DPP6: variants seen among roughly 807,000 people sequenced by gnomAD.
DPP6 encodes dipeptidyl peptidase like 6.
A neutral mutation model predicts 122.6 loss-of-function variants in DPP6; 69 were observed. The ratio of observed to expected loss-of-function variants is 0.56; its 90% CI spans 0.46 to 0.69. The LOEUF is 0.69. Among genes scored for constraint, DPP6 ranks in the 30% least tolerant of loss-of-function variants. The pLI is 0.00. For missense variants in DPP6, 928 were observed against 1,116.9 expected (o/e 0.83, Z 2.41); for synonymous variants, 418 against 433.1 (o/e 0.97, Z 0.43).
chr7:154,127,676 C>A (rs1054266087), intron 1 of DPP6, among the ~76,000 whole-genome samples: 4 of 147,162 alleles, frequency 2.7e-5, no homozygotes, highest in African/African-American at 1.0e-4. Flanking sequence ...CACACACACA[C>A]AAAACAGCTC....
At chr7:154,539,336 G>A (rs964955575) in intron 3 of DPP6, among the ~76,000 whole-genome samples, 2 of 152,062 alleles carry the variant, frequency 1.3e-5, no homozygotes, top group Non-Finnish European at 2.9e-5. Flanking sequence ...GAGTGTTAAT[G>A]ACTTTAAGAG....
At chr7:154,594,557 G>A (rs1832980506) in intron 5 of DPP6, among the ~76,000 whole-genome samples, 1 of 152,146 alleles carries the variant, frequency 6.6e-6, no homozygotes, top group South Asian at 2.1e-4. Flanking sequence ...TGAATTCCTA[G>A]GATGTTCCTT....
intron 8 of DPP6, among the ~76,000 whole-genome samples, chr7:154,754,529 A>G (rs966741209): frequency 6.6e-6 from 1 of 152,224 alleles, no homozygotes; most frequent in Admixed American, 6.5e-5. Context: ...AATGTAAACT[A>G]AGGAAATTAA....
intron 17 of DPP6, among the ~76,000 whole-genome samples, chr7:154,854,650 G>C (rs1210839315): frequency 2.0e-5 from 3 of 152,186 alleles, no homozygotes; most frequent in Non-Finnish European, 4.4e-5. Flanking sequence ...ACTCAGAGGA[G>C]CCTCACTCAA....
intron 8 of DPP6, among the ~76,000 whole-genome samples, chr7:154,757,209 C>A (rs1795187064): frequency 6.6e-6 from 1 of 152,022 alleles, no homozygotes; most frequent in African/African-American, 2.4e-5. Flanking sequence ...AGGAACTGGG[C>A]AGCCCCTTCT....
rs78424983 is a variant in DPP6 at position 154,374,590 on chromosome 7, T to C, written c.244-71624T>C. Among the ~76,000 whole-genome samples, 860 of 147,240 alleles carry C rather than the reference T, an allele frequency of 5.8e-3. 5 individuals are homozygous for C. The highest frequency in any genetic ancestry group is 0.019 in the African/African-American group (774 of 41,232). On this transcript the variant is annotated intron_variant, in intron 1 of 25. Coordinates refer to ENST00000377770, the MANE Select transcript of DPP6 (RefSeq NM_130797.4). ...GTTTTTTTTTTCTTTTCTGTTTATT[T>C]TTTCTTTTTCTGTTTTTTTTCTTTT...
At chr7:154,093,145 C>T (rs1265250338) in intron 1 of DPP6, among the ~76,000 whole-genome samples, 1 of 143,808 alleles carries the variant, frequency 7.0e-6, no homozygotes, top group East Asian at 2.0e-4. Context: ...CTACATATGA[C>T]ATCATACATC....
At chr7:154,339,087 G>A (rs1809686316) in intron 1 of DPP6, among the ~76,000 whole-genome samples, 1 of 152,214 alleles carries the variant, frequency 6.6e-6, no homozygotes, top group Non-Finnish European at 1.5e-5. Context: ...ATAAGTGCTT[G>A]ATGGTTGGGT....
intron 7 of DPP6, among the ~76,000 whole-genome samples, chr7:154,693,437 G>A (rs932108698): frequency 1.3e-5 from 2 of 152,168 alleles, no homozygotes; most frequent in Admixed American, 1.3e-4. Context: ...ACATTTTGGA[G>A]AGCACTGATT....
At chr7:154,020,233 A>G (rs1016367552) in intron 1 of DPP6, among the ~76,000 whole-genome samples, 1 of 151,918 alleles carries the variant, frequency 6.6e-6, no homozygotes, top group African/African-American at 2.4e-5. Context: ...TCCTCTAGAT[A>G]AAAGCGTGAT....
intron 1 of DPP6, among the ~76,000 whole-genome samples, chr7:154,022,966 T>C (rs1256057083): frequency 6.6e-6 from 1 of 152,032 alleles, no homozygotes; most frequent in East Asian, 1.9e-4. Flanking sequence ...AATCCAAGGG[T>C]CAGTACAAAG....
chr7:153,750,111 G>T, the DPP6 span, among the ~76,000 whole-genome samples: 1 of 152,198 alleles, frequency 6.6e-6, no homozygotes, highest in Admixed American at 6.5e-5. Flanking sequence ...AGTGAGTAAT[G>T]ATATTGGATT....
At position 154,475,044 on chromosome 7, in the gene DPP6, C is replaced by T; in HGVS notation, c.457+7C>T. ...GAGGCTAAGTGGATAAGTGGTGAGT[C>T]CAGGTCCTTCGTGCACAAGACATCG... On this transcript the variant is annotated splice_region_variant and intron_variant, in intron 3 of 25. Transcript: ENST00000377770. The T allele has an allele frequency of 6.2e-7, 1 of 1,607,136 alleles. No individual in the cohort carries two copies. The highest frequency in any genetic ancestry group is 1.3e-5 in the African/African-American group (1 of 74,808).
chr7:154,387,603 T>C (rs1166127819), intron 1 of DPP6, among the ~76,000 whole-genome samples: 1 of 152,212 alleles, frequency 6.6e-6, no homozygotes, highest in Non-Finnish European at 1.5e-5. Flanking sequence ...TCCCTACCAT[T>C]TATTTTCTCA....
At chr7:153,786,740 G>GGAAAAAAAAAAAAA in the DPP6 span, among the ~76,000 whole-genome samples, 1 of 31,782 alleles carries the variant, frequency 3.1e-5, no homozygotes, top group African/African-American at 1.0e-4. Context: ...CTCCGTCTCA[G>GGAAAAAAAAAAAAA]AAAAAAAAAA....
chr7:154,397,801 T>A (rs796433782), intron 1 of DPP6, among the ~76,000 whole-genome samples: 2 of 152,320 alleles, frequency 1.3e-5, no homozygotes, highest in East Asian at 3.9e-4. Context: ...AGGTGTGTGA[T>A]ACATTTGTTT....
intron 12 of DPP6, among the ~76,000 whole-genome samples, chr7:154,800,369 T>C (rs1315464000): frequency 6.6e-6 from 1 of 152,244 alleles, no homozygotes; most frequent in Non-Finnish European, 1.5e-5. Context: ...CCATTAGTTC[T>C]CATCCCCGCA....
At chr7:154,726,433 G>A (rs1487058387) in intron 7 of DPP6, among the ~76,000 whole-genome samples, 4 of 152,210 alleles carry the variant, frequency 2.6e-5, no homozygotes, top group African/African-American at 9.6e-5. Flanking sequence ...AAGCCACCAA[G>A]ACTTGGGGCT....
chr7:154,141,233 AG>A (rs1347050749), intron 1 of DPP6, among the ~76,000 whole-genome samples: 1 of 152,268 alleles, frequency 6.6e-6, no homozygotes, highest in Non-Finnish European at 1.5e-5. Flanking sequence ...ATATTGAAGA[AG>A]TCAGCTTGTT....
Sources: gnomAD v4.1 joint callset for allele counts (sites outside exome capture counted in the v4.1 genomes callset) on GRCh38, gnomAD v4.1.1 for gene constraint, MANE v1.5 for transcripts, NCBI Gene and HGNC (gene_info 2026-07-23, HGNC 2026-07-21) for gene names.